The following CTNNA1 variants were observed in gnomAD, a reference collection of about 807,000 sequenced individuals.
The protein encoded by CTNNA1 is catenin alpha 1.
CTNNA1 carries 37 observed loss-of-function variants against 98.4 expected under a neutral mutation model. The observed-to-expected ratio is 0.38, with a 90% CI of 0.29 to 0.49. The LOEUF is 0.49. Ranked by LOEUF, CTNNA1 falls within the 20% of genes least tolerant of loss-of-function variation. The probability of loss-of-function intolerance (pLI) is 0.95; values close to 1 mark genes in which losing one functional copy is unlikely to be tolerated. For missense variants in CTNNA1, 761 were observed against 1,147.2 expected (o/e 0.66, Z 4.86); for synonymous variants, 404 against 413.2 (o/e 0.98, Z 0.27).
intron 9 of CTNNA1, among the ~76,000 whole-genome samples, chr5:138,900,157 G>A (rs549250957): frequency 6.6e-6 from 1 of 152,266 alleles, no homozygotes; most frequent in African/African-American, 2.4e-5. Context: ...TGTAAAAGTT[G>A]AGTTTTTGAT....
chr5:138,818,261 A>G (rs1759653870), intron 5 of CTNNA1, among the ~76,000 whole-genome samples: 1 of 124,350 alleles, frequency 8.0e-6, no homozygotes, highest in Non-Finnish European at 1.7e-5. Context: ...GGCATGCCAT[A>G]TCCAGCTTTT....
chr5:138,889,742 A>G (rs1254476276), intron 9 of CTNNA1, among the ~76,000 whole-genome samples: 6 of 151,490 alleles, frequency 4.0e-5, no homozygotes, highest in Non-Finnish European at 4.4e-5. Flanking sequence ...TATGCATTAA[A>G]TGACACATGG....
At chr5:138,838,494 G>C (rs1457836558) in intron 7 of CTNNA1, among the ~76,000 whole-genome samples, 1 of 151,892 alleles carries the variant, frequency 6.6e-6, no homozygotes, top group Non-Finnish European at 1.5e-5. Flanking sequence ...ATCAATTCTA[G>C]TGATCTTTTG....
At chr5:138,876,450 G>C (rs1475430821) in intron 7 of CTNNA1, among the ~76,000 whole-genome samples, 1 of 152,192 alleles carries the variant, frequency 6.6e-6, no homozygotes, top group African/African-American at 2.4e-5. Flanking sequence ...TCAGACCTCA[G>C]TTGTGGATGT....
chr5:138,829,739 G>T (rs1326274309), intron 7 of CTNNA1, among the ~76,000 whole-genome samples: 2 of 152,212 alleles, frequency 1.3e-5, no homozygotes, highest in East Asian at 3.9e-4. Context: ...TGAAATTTGA[G>T]TATTATGGTA....
rs117489961 is a variant in CTNNA1 at position 138,867,375 on chromosome 5, G to C, written c.1063-18837G>C. On this transcript the variant is annotated intron_variant, in intron 7 of 17. Transcript: ENST00000302763. ...TGCTGGAGAAACAATAAGTGCATCT[G>C]GGCAAACACGGCAGACTACTGGCAG... Among the ~76,000 whole-genome samples, 35 of 152,322 alleles carry C rather than the reference G, an allele frequency of 2.3e-4. No individual in the cohort carries two copies. In the East Asian group the frequency reaches 6.4e-3, roughly 28 times the overall value.
In CTNNA1 at chr5:138,873,278, A is replaced by G. The variant is rs1453850452; in HGVS notation, c.1063-12934A>G. ...AAAAAAGAAAGAAAACAATAAAGCC[A>G]TTGTTCCCGTAATTACCCGCTGAGT... On this transcript the variant is annotated intron_variant, in intron 7 of 17. Coordinates refer to ENST00000302763, the MANE Select transcript of CTNNA1 (RefSeq NM_001903.5). The surrounding 1 kb of genome is among the most constrained non-coding windows in gnomAD (Gnocchi z 6.1). The G allele has an allele frequency of 1.9e-6, 3 of 1,614,000 alleles. No homozygotes were observed. The highest frequency in any genetic ancestry group is 1.1e-5 in the South Asian group (1 of 91,086).
At chr5:138,892,263 C>T (rs540872323) in intron 9 of CTNNA1, among the ~76,000 whole-genome samples, 1 of 144,022 alleles carries the variant, frequency 6.9e-6, no homozygotes, top group Admixed American at 7.1e-5. Context: ...CACATACTTA[C>T]ATATTTTCAG....
chr5:138,776,063 T>TTA (rs1554076765), intron 1 of CTNNA1, among the ~76,000 whole-genome samples: 7 of 148,334 alleles, frequency 4.7e-5, no homozygotes, highest in South Asian at 4.3e-4. Flanking sequence ...TTTTTTTTTT[T>TTA]ATTGATCATT....
chr5:138,931,588 A>C, intron 16 of CTNNA1: 1 of 985,290 alleles, frequency 1.0e-6, no homozygotes, highest in Non-Finnish European at 1.2e-6. Flanking sequence ...AATAGGGCCT[A>C]TTGCTTCCAT....
chr5:138,921,908 C>T (rs532121398), intron 11 of CTNNA1, among the ~76,000 whole-genome samples: 15 of 151,762 alleles, frequency 9.9e-5, no homozygotes, highest in East Asian at 5.8e-4. Flanking sequence ...AAAAATCACC[C>T]GGCCGGTGAT....
chr5:138,763,399 A>G (rs980771171), intron 1 of CTNNA1, among the ~76,000 whole-genome samples: 24 of 152,202 alleles, frequency 1.6e-4, no homozygotes, highest in African/African-American at 5.8e-4. Context: ...CATTAGATTC[A>G]ATATTTCAAT....
At chr5:138,868,151 G>A (rs1764979631) in intron 7 of CTNNA1, among the ~76,000 whole-genome samples, 3 of 152,000 alleles carry the variant, frequency 2.0e-5, no homozygotes, top group East Asian at 3.9e-4. Flanking sequence ...TTTGACTGAC[G>A]GTATTAAATA....
At chr5:138,844,174 A>G (rs1762510016) in intron 7 of CTNNA1, among the ~76,000 whole-genome samples, 1 of 150,756 alleles carries the variant, frequency 6.6e-6, no homozygotes, top group Non-Finnish European at 1.5e-5. Context: ...TTTAAAAATA[A>G]AAGTAGAGAT....
intron 11 of CTNNA1, among the ~76,000 whole-genome samples, chr5:138,922,319 A>G (rs1260464450): frequency 6.6e-6 from 1 of 152,230 alleles, no homozygotes; most frequent in Non-Finnish European, 1.5e-5. Flanking sequence ...CTAAGGAAAG[A>G]CTGAATAAGT....
intron 9 of CTNNA1, among the ~76,000 whole-genome samples, chr5:138,902,163 A>G (rs868015027): frequency 2.0e-4 from 31 of 152,350 alleles, no homozygotes; most frequent in Middle Eastern, 3.4e-3. Context: ...AAGATGGTTT[A>G]ACAGCCATTT....
At chr5:138,775,503 T>C (rs577875923) in intron 1 of CTNNA1, among the ~76,000 whole-genome samples, 5 of 152,280 alleles carry the variant, frequency 3.3e-5, no homozygotes, top group Admixed American at 6.5e-5. Context: ...TTGGCACCCC[T>C]ATCTCTAGTG....
At position 138,779,779 on chromosome 5, in the gene CTNNA1, G is replaced by A. The variant is rs1561517585; in HGVS notation, c.-2-2144G>A. ...TGCCCAGGCTGGAGTGCAGTGGTGC[G>A]ATCTTGGCTCACTGCAACCTCCACC... On this transcript the variant is annotated intron_variant, in intron 1 of 17. Transcript: ENST00000302763. Among the ~76,000 whole-genome samples the A allele has an allele frequency of 3.4e-5, 5 of 149,174 alleles. No individual in the cohort carries two copies. The South Asian group carries it at 1.1e-3, about 32-fold the overall frequency.
intron 1 of CTNNA1, among the ~76,000 whole-genome samples, chr5:138,776,046 T>C (rs1010427138): frequency 2.1e-5 from 3 of 144,250 alleles, no homozygotes; most frequent in African/African-American, 7.6e-5. Flanking sequence ...TTTCTTTTTT[T>C]TTTTTTTTTT....
Sources: gnomAD v4.1 joint callset for allele counts (sites outside exome capture counted in the v4.1 genomes callset) on GRCh38, gnomAD v4.1.1 for gene constraint, Gnocchi (gnomAD v3.1) non-coding constraint, MANE v1.5 for transcripts, NCBI Gene and HGNC (gene_info 2026-07-23, HGNC 2026-07-21) for gene names.